The following SLC2A9 variants were observed in gnomAD, a reference collection of about 807,000 sequenced individuals.
The protein encoded by SLC2A9 is solute carrier family 2 member 9.
Under a neutral mutation model 50.6 loss-of-function variants are expected in SLC2A9, and 39 were observed. The ratio of observed to expected loss-of-function variants is 0.77; its 90% CI spans 0.60 to 1.01. The LOEUF (loss-of-function observed/expected upper bound fraction) is 1.01, where lower values mean the gene tolerates loss of function less well. Ranked by LOEUF, SLC2A9 falls within the 50% of genes least tolerant of loss-of-function variation. The probability of loss-of-function intolerance (pLI) is 0.00; values close to 1 mark genes in which losing one functional copy is unlikely to be tolerated. For synonymous variants in SLC2A9, 324 were observed against 276.9 expected, an observed-to-expected ratio of 1.17 and a Z score of -1.69; for missense variants, 686 against 677.6, an observed-to-expected ratio of 1.01 and a Z score of -0.14.
Position 9,818,314 on chromosome 4 carries a change from G to A in SLC2A9, n.420+8106C>T, listed in dbSNP as rs141208648. ...CCAAGCAAGGAGGACTAATCTTCTG[G>A]CTCAAGTTTTTGTTTGGATAAAGTA... On this transcript the variant is annotated intron_variant and non_coding_transcript_variant, in intron 3 of 3. Coordinates refer to the SLC2A9 transcript ENST00000503280. Among the ~76,000 whole-genome samples, 618 of 152,272 alleles carry A rather than the reference G, an allele frequency of 4.1e-3. 4 individuals carry two copies. Among genetic ancestry groups the A allele is most frequent in the African/African-American group, 0.014 (580 of 41,536 alleles).
intron 3 of SLC2A9, chr4:9,781,786 G>T (rs901548920): frequency 4.9e-4 from 201 of 410,000 alleles, no homozygotes; most frequent in Non-Finnish European, 7.7e-4. Flanking sequence ...AGCACCAGCC[G>T]CTTCCTGTCC....
chr4:10,028,805 A>G (rs1318449632), intron 1 of SLC2A9, among the ~76,000 whole-genome samples: 1 of 152,192 alleles, frequency 6.6e-6, no homozygotes, highest in Non-Finnish European at 1.5e-5. Flanking sequence ...GGATGGGCTC[A>G]GAGAAGCGGT....
intron 4 of SLC2A9, among the ~76,000 whole-genome samples, chr4:9,983,712 T>C (rs996123403): frequency 6.6e-6 from 1 of 152,218 alleles, no homozygotes; most frequent in Admixed American, 6.5e-5. Context: ...ATGGTTACTA[T>C]TTGAAGCCAT....
At chr4:10,000,933 C>T (rs1355732326) in intron 2 of SLC2A9, among the ~76,000 whole-genome samples, 1 of 152,216 alleles carries the variant, frequency 6.6e-6, no homozygotes, top group African/African-American at 2.4e-5. Flanking sequence ...AATCCACCCT[C>T]ACTCATCCCT....
intron 6 of SLC2A9, among the ~76,000 whole-genome samples, chr4:9,930,290 A>G (rs1313260655): frequency 6.6e-6 from 1 of 152,202 alleles, no homozygotes; most frequent in Non-Finnish European, 1.5e-5. Context: ...CAAGTTTAGC[A>G]AATGCCAGGT....
intron 3 of SLC2A9, among the ~76,000 whole-genome samples, chr4:9,788,478 C>T (rs1449554100): frequency 6.6e-6 from 1 of 151,666 alleles, no homozygotes; most frequent in Admixed American, 6.6e-5. Context: ...AGGCTTGAGT[C>T]ACCATGCCCA....
intron 10 of SLC2A9, among the ~76,000 whole-genome samples, chr4:9,843,741 T>G (rs1201659597): frequency 6.6e-6 from 1 of 152,192 alleles, no homozygotes; most frequent in Non-Finnish European, 1.5e-5. Context: ...TGAGGTGTGA[T>G]GAACACTCAA....
chr4:10,005,453 G>A (rs1760621255), intron 2 of SLC2A9, among the ~76,000 whole-genome samples: 1 of 152,228 alleles, frequency 6.6e-6, no homozygotes, highest in Non-Finnish European at 1.5e-5. Flanking sequence ...CCATTGGAGG[G>A]TTTTAGCACG....
intron 8 of SLC2A9, among the ~76,000 whole-genome samples, chr4:9,895,157 G>A (rs942968608): frequency 4.6e-5 from 7 of 152,294 alleles, no homozygotes; most frequent in African/African-American, 1.7e-4. Context: ...GGTGGGGTGA[G>A]GGACATGTGG....
intron 1 of SLC2A9, among the ~76,000 whole-genome samples, chr4:9,774,528 T>C (rs1372880797): frequency 6.6e-6 from 1 of 152,176 alleles, no homozygotes; most frequent in Non-Finnish European, 1.5e-5. Flanking sequence ...CTGTCCCTTG[T>C]TCTCATGCCA....
intron 10 of SLC2A9, among the ~76,000 whole-genome samples, chr4:9,868,905 A>AC (rs1212231031): frequency 8.6e-5 from 13 of 152,046 alleles, no homozygotes; most frequent in African/African-American, 3.1e-4. Flanking sequence ...CTGCAGGAAC[A>AC]CCCCCCAAAG....
At chr4:9,795,068 G>GTGGCACAATCT (rs1453197042), downstream of SLC2A9, among the ~76,000 whole-genome samples, 4 of 144,352 alleles carry the variant, frequency 2.8e-5, no homozygotes, top group Non-Finnish European at 6.0e-5. Context: ...CTGGAGTGCA[G>GTGGCACAATCT]TGGCACAATC....
chr4:9,889,633 T>C (rs1387818650), intron 9 of SLC2A9, among the ~76,000 whole-genome samples: 1 of 152,220 alleles, frequency 6.6e-6, no homozygotes, highest in African/African-American at 2.4e-5. Flanking sequence ...GCCACCACCA[T>C]GCTAACAGTG....
downstream of SLC2A9, chr4:9,826,107 C>A (rs1725085505): frequency 5.1e-6 from 2 of 390,824 alleles, no homozygotes; most frequent in Non-Finnish European, 9.3e-6. Context: ...ATGAAGAAGG[C>A]AGGTCATCTA....
chr4:9,848,768 G>A (rs1317896717), intron 10 of SLC2A9, among the ~76,000 whole-genome samples: 2 of 149,036 alleles, frequency 1.3e-5, no homozygotes, highest in Non-Finnish European at 3.0e-5. Context: ...GCAGTGGCAC[G>A]ATCTCGGCTC....
chr4:9,940,845 T>C (rs1485186809), intron 6 of SLC2A9, among the ~76,000 whole-genome samples: 1 of 152,230 alleles, frequency 6.6e-6, no homozygotes, highest in Non-Finnish European at 1.5e-5. Flanking sequence ...ACAAATTGTA[T>C]ATATAATTCT....
intron 2 of SLC2A9, among the ~76,000 whole-genome samples, chr4:10,000,202 GT>G (rs1759527070): frequency 6.6e-6 from 1 of 152,178 alleles, no homozygotes; most frequent in East Asian, 1.9e-4. Context: ...CGATGATGAA[GT>G]TTCCAGACCT....
In SLC2A9 at chr4:10,007,616, A is replaced by G. The variant is rs150962779; in HGVS notation, c.250-10675T>C. ...GCACTCCCAATATTATTCTTATTCA[A>G]TCACAGTCCTGAGCCTTCCTCCTGC... is the stretch of plus-strand genomic sequence containing the variant. On this transcript the variant is annotated intron_variant, in intron 2 of 11. Transcript: ENST00000264784. 5.8e-3 allele frequency among the ~76,000 whole-genome samples: 886 copies of G among 152,324 alleles called. 6 individuals carry two copies. Among genetic ancestry groups the G allele is most frequent in the Non-Finnish European group, 8.8e-3 (599 of 68,028 alleles).
intron 5 of SLC2A9, among the ~76,000 whole-genome samples, chr4:9,964,014 G>A (rs1296579516): frequency 6.6e-6 from 1 of 152,134 alleles, no homozygotes; most frequent in Non-Finnish European, 1.5e-5. Context: ...AGAGCCTGGA[G>A]CCAGGTCATA....
Sources: allele counts gnomAD v4.1 joint callset (sites outside exome capture counted in the v4.1 genomes callset), GRCh38; gene constraint gnomAD v4.1.1; transcripts MANE v1.5; gene names NCBI Gene and HGNC (gene_info 2026-07-23, HGNC 2026-07-21).